The following ADCY9 variants were observed in gnomAD, a reference collection of about 807,000 sequenced individuals.
ADCY9 encodes the protein adenylate cyclase type 9.
ADCY9 carries 50 observed loss-of-function variants against 101.5 expected under a neutral mutation model. The ratio of observed to expected loss-of-function variants is 0.49; its 90% CI spans 0.39 to 0.62. The LOEUF (loss-of-function observed/expected upper bound fraction) is 0.62. ADCY9 is among the 20% of genes least tolerant of loss of function. The pLI is 0.00. For synonymous variants in ADCY9, 905 were observed against 769.3 expected (o/e 1.18, Z -2.92); for missense variants, 1,662 against 1,800.4 (o/e 0.92, Z 1.39).
At chr16:3,957,775 C>G (rs1567408707), downstream of ADCY9, among the ~76,000 whole-genome samples, 1 of 152,002 alleles carries the variant, frequency 6.6e-6, no homozygotes, top group Non-Finnish European at 1.5e-5. Flanking sequence ...TGCCCCCGGG[C>G]GTCCTGAGCA....
intron 2 of ADCY9, among the ~76,000 whole-genome samples, chr16:4,074,481 G>A (rs2056854197): frequency 6.6e-6 from 1 of 151,466 alleles, no homozygotes; most frequent in African/African-American, 2.4e-5. Flanking sequence ...GAGCACTTGA[G>A]GCCAGGAGTT....
At chr16:3,969,027 C>G (rs142924357) in intron 10 of ADCY9, among the ~76,000 whole-genome samples, 242 of 152,124 alleles carry the variant, frequency 1.6e-3, no homozygotes, top group African/African-American at 5.7e-3. Flanking sequence ...TGTACTTTTA[C>G]TAGAGACAGG....
At chr16:4,102,672 G>A (rs576162657) in intron 2 of ADCY9, among the ~76,000 whole-genome samples, 187 of 151,026 alleles carry the variant, frequency 1.2e-3, no homozygotes, top group African/African-American at 4.2e-3. Context: ...TGATCCGCCC[G>A]CCTCGGCCTC....
Position 3,993,318 on chromosome 16 carries a change from A to G in ADCY9, c.1989+88T>C, listed in dbSNP as rs778278223. ...GTTACCCAAGAGGAGTTACTCTCAG[A>G]ACTAAGAAGTCGACAAGACAGGAAT... is the stretch of plus-strand genomic sequence containing the variant. On this transcript the variant is annotated intron_variant, in intron 4 of 10. Transcript: ENST00000294016. 3 of 1,571,512 alleles carry G rather than the reference A, an allele frequency of 1.9e-6. No individual in the cohort carries two copies. In the Admixed American group the frequency reaches 5.3e-5, roughly 28 times the overall value.
intron 2 of ADCY9, among the ~76,000 whole-genome samples, chr16:4,076,818 T>C (rs1185290335): frequency 6.6e-6 from 1 of 152,106 alleles, no homozygotes; most frequent in Non-Finnish European, 1.5e-5. Flanking sequence ...GGCTCACGCC[T>C]GTAATCCCAG....
intron 3 of ADCY9, among the ~76,000 whole-genome samples, chr16:3,995,539 A>AG (rs1311442341): frequency 6.6e-6 from 1 of 152,208 alleles, no homozygotes; most frequent in African/African-American, 2.4e-5. Flanking sequence ...CAGGTAACCT[A>AG]GGAACCATCT....
chr16:4,003,622 T>A (rs142088014), intron 3 of ADCY9, among the ~76,000 whole-genome samples: 1 of 149,336 alleles, frequency 6.7e-6, no homozygotes, highest in Non-Finnish European at 1.5e-5. Context: ...TGGAGTGCAG[T>A]GGCATCATCA....
At chr16:3,958,968 C>T (rs2055923568), downstream of ADCY9, among the ~76,000 whole-genome samples, 1 of 152,030 alleles carries the variant, frequency 6.6e-6, no homozygotes, top group South Asian at 2.1e-4. Context: ...AGCCACCATG[C>T]CCTGCCTCGG....
intron 2 of ADCY9, among the ~76,000 whole-genome samples, chr16:4,013,775 G>A (rs756081668): frequency 2.0e-5 from 3 of 152,196 alleles, no homozygotes; most frequent in Non-Finnish European, 4.4e-5. Flanking sequence ...CAAAGCCTAT[G>A]GAGTCATAGA....
At chr16:4,043,134 G>A (rs944807076) in intron 2 of ADCY9, among the ~76,000 whole-genome samples, 1 of 152,148 alleles carries the variant, frequency 6.6e-6, no homozygotes, top group African/African-American at 2.4e-5. Flanking sequence ...GGGAGGCTGA[G>A]GCAGGAGAAT....
In ADCY9 at chr16:4,019,071, G is replaced by C. The variant is rs533373707; in HGVS notation, c.1694-11513C>G. 1.5e-3 allele frequency among the ~76,000 whole-genome samples: 227 copies of C among 151,622 alleles called. 1 individual carries two copies. Among genetic ancestry groups the C allele is most frequent in the African/African-American group, 5.4e-3 (224 of 41,348 alleles). ...GCTCACTGCAGCCTCGACGTCCTGG[G>C]CTCAAGTGATCCTCCCACCTCATCT... On this transcript the variant is annotated intron_variant, in intron 2 of 10. Coordinates refer to ENST00000294016, the MANE Select transcript of ADCY9 (RefSeq NM_001116.4).
intron 2 of ADCY9, among the ~76,000 whole-genome samples, chr16:4,025,327 T>C (rs1300421215): frequency 1.3e-5 from 2 of 148,414 alleles, no homozygotes; most frequent in African/African-American, 5.0e-5. Flanking sequence ...TGAGCGGACA[T>C]TGGTGCCACT....
chr16:4,072,214 A>G (rs1256685609), intron 2 of ADCY9, among the ~76,000 whole-genome samples: 3 of 152,208 alleles, frequency 2.0e-5, no homozygotes, highest in African/African-American at 7.2e-5. Context: ...CCATGAAGGA[A>G]GAAGAGGGCA....
chr16:4,083,731 A>C (rs1424980587), intron 2 of ADCY9, among the ~76,000 whole-genome samples: 1 of 152,242 alleles, frequency 6.6e-6, no homozygotes, highest in African/African-American at 2.4e-5. Flanking sequence ...AGAAAACATT[A>C]GGCTCAGTGA....
intron 2 of ADCY9, among the ~76,000 whole-genome samples, chr16:4,052,048 A>G (rs570939716): frequency 6.7e-4 from 102 of 152,336 alleles, no homozygotes; most frequent in African/African-American, 2.3e-3. Flanking sequence ...GGGACTGATC[A>G]GACCTGTGTG....
chr16:3,970,306 C>G (rs1407056804), intron 10 of ADCY9, among the ~76,000 whole-genome samples: 1 of 152,188 alleles, frequency 6.6e-6, no homozygotes, highest in Non-Finnish European at 1.5e-5. Context: ...GCTGGGATTA[C>G]AGGGATGAGC....
intron 2 of ADCY9, among the ~76,000 whole-genome samples, chr16:4,024,375 T>C (rs781583527): frequency 6.6e-6 from 1 of 152,246 alleles, no homozygotes; most frequent in Admixed American, 6.5e-5. Flanking sequence ...GAAAGTTACA[T>C]ATACGGTACA....
rs1185003383 is a variant in ADCY9 at position 3,992,703 on chromosome 16, C to T, written c.1990-340G>A. ...CCCCCAGAGTCTGCTTAGGCCAGAA[C>T]CACGGTTCTGGGAGCAGGGTGCATG... is the stretch of plus-strand genomic sequence containing the variant. On this transcript the variant is annotated intron_variant, in intron 4 of 10. Coordinates refer to ENST00000294016, the MANE Select transcript of ADCY9 (RefSeq NM_001116.4). This position sits in a 1 kb window ranked among gnomAD's most constrained non-coding sequence, Gnocchi z 4.2. 3.3e-5 allele frequency among the ~76,000 whole-genome samples: 5 copies of T among 152,016 alleles called. No individual in the cohort carries two copies. The highest frequency in any genetic ancestry group is 3.9e-4 in the East Asian group (2 of 5,174).
Position 3,983,254 on chromosome 16 carries a change from G to C in ADCY9, c.2497C>G (p.Leu833Val). 1 of 1,551,802 alleles carries C rather than the reference G, an allele frequency of 6.4e-7. No homozygotes were observed. The highest frequency in any genetic ancestry group is 8.7e-7 in the Non-Finnish European group (1 of 1,147,420). ...VFSAALLLEV[L>V]SLAVSIRMVF... ...TACCTGATGGACACCGCGAGGGACA[G>C]CACCTCCAGCAGCAGGGCTGCACTG... is the stretch of plus-strand genomic sequence containing the variant. Residue 833 changes from leucine (L) to valine (V), a missense_variant, in exon 7 of 11, where the codon CTG becomes GTG. This residue lies in a region of ADCY9 where 624 missense variants were observed against 639.1 expected (regional missense o/e 0.98). Coordinates refer to ENST00000294016, the MANE Select transcript of ADCY9 (RefSeq NM_001116.4).
Sources: gnomAD v4.1 joint callset for allele counts (sites outside exome capture counted in the v4.1 genomes callset) on GRCh38, gnomAD v4.1.1 for gene constraint, gnomAD v4.1.1 regional missense constraint, Gnocchi (gnomAD v3.1) non-coding constraint, MANE v1.5 for transcripts, NCBI Gene and HGNC (gene_info 2026-07-23, HGNC 2026-07-21) for gene names.